The following GPC6 variants were observed in gnomAD, a reference collection of about 807,000 sequenced individuals.
GPC6 encodes the protein glypican-6.
A neutral mutation model predicts 55.2 loss-of-function variants in GPC6; 14 were observed. That is an observed-to-expected ratio of 0.25 (90% CI 0.17 to 0.40). The LOEUF is 0.40. GPC6 is among the 10% of genes least tolerant of loss of function. The probability of loss-of-function intolerance (pLI) is 1.00; values close to 1 mark genes in which losing one functional copy is unlikely to be tolerated. For synonymous variants in GPC6, 278 were observed against 259.6 expected (o/e 1.07, Z -0.68); for missense variants, 641 against 708.5 (o/e 0.90, Z 1.08).
At chr13:93,445,345 C>T (rs1419928777) in intron 1 of GPC6, among the ~76,000 whole-genome samples, 1 of 152,188 alleles carries the variant, frequency 6.6e-6, no homozygotes, top group East Asian at 1.9e-4. Flanking sequence ...GCATATCCTA[C>T]TTCCTAATAC....
intron 5 of GPC6, among the ~76,000 whole-genome samples, chr13:94,303,104 G>A (rs917457341): frequency 1.4e-4 from 22 of 152,308 alleles, no homozygotes; most frequent in African/African-American, 4.8e-4. Flanking sequence ...GATGGTGAGC[G>A]AAAGCTCAGC....
chr13:93,397,397 T>C (rs530094805), intron 1 of GPC6, among the ~76,000 whole-genome samples: 1 of 152,222 alleles, frequency 6.6e-6, no homozygotes, highest in Non-Finnish European at 1.5e-5. Flanking sequence ...ATTTCCCTAA[T>C]GATTAATACT....
chr13:93,474,323 C>T (rs541024726), intron 1 of GPC6, among the ~76,000 whole-genome samples: 28 of 152,220 alleles, frequency 1.8e-4, no homozygotes, highest in Admixed American at 1.6e-3. Context: ...TTTTAGTGTG[C>T]TGAATAGGAT....
At chr13:94,019,913 A>G (rs1237029587) in intron 3 of GPC6, among the ~76,000 whole-genome samples, 2 of 151,946 alleles carry the variant, frequency 1.3e-5, no homozygotes, top group Non-Finnish European at 2.9e-5. Flanking sequence ...TCTCTCTTTG[A>G]TAGTCAGCCT....
intron 1 of GPC6, among the ~76,000 whole-genome samples, chr13:93,382,099 A>G (rs1875200412): frequency 6.6e-6 from 1 of 152,132 alleles, no homozygotes; most frequent in African/African-American, 2.4e-5. Context: ...AACTTGTCCA[A>G]AGTTTGTACG....
intron 1 of GPC6, among the ~76,000 whole-genome samples, chr13:93,489,356 C>T (rs1282701025): frequency 1.3e-5 from 2 of 151,446 alleles, no homozygotes; most frequent in Non-Finnish European, 2.9e-5. Flanking sequence ...CAGTACCATG[C>T]TGTTTTGGTT....
intron 4 of GPC6, among the ~76,000 whole-genome samples, chr13:94,119,546 G>A (rs1341279972): frequency 6.6e-6 from 1 of 152,136 alleles, no homozygotes; most frequent in African/African-American, 2.4e-5. Flanking sequence ...GCTTTGTCCA[G>A]ACCCAGGTAA....
At chr13:93,514,302 A>G (rs1881101751) in intron 1 of GPC6, among the ~76,000 whole-genome samples, 1 of 152,172 alleles carries the variant, frequency 6.6e-6, no homozygotes, top group Non-Finnish European at 1.5e-5. Flanking sequence ...ACTGCACTCA[A>G]TCCCAGAATA....
intron 4 of GPC6, among the ~76,000 whole-genome samples, chr13:94,140,868 G>A (rs1179529729): frequency 1.3e-5 from 2 of 151,858 alleles, no homozygotes; most frequent in African/African-American, 4.8e-5. Flanking sequence ...ATTGTCAAGG[G>A]AAAGGACAAA....
intron 1 of GPC6, among the ~76,000 whole-genome samples, chr13:93,393,125 T>TAGAGAG (rs1394640725): frequency 1.3e-3 from 129 of 96,734 alleles, no homozygotes; most frequent in African/African-American, 3.6e-3. Flanking sequence ...TATATATATA[T>TAGAGAG]ATAGAGAGAG....
intron 4 of GPC6, among the ~76,000 whole-genome samples, chr13:94,088,906 T>G (rs538809120): frequency 6.6e-6 from 1 of 152,288 alleles, no homozygotes; most frequent in South Asian, 2.1e-4. Context: ...TGGGGGTCAC[T>G]GATATAAAAT....
At chr13:93,939,158 A>T (rs1878594631) in intron 3 of GPC6, among the ~76,000 whole-genome samples, 1 of 151,340 alleles carries the variant, frequency 6.6e-6, no homozygotes, top group Non-Finnish European at 1.5e-5. Context: ...AAAATGAAGG[A>T]GCAATTGAGC....
At chr13:93,600,583 C>G (rs931346085) in intron 2 of GPC6, among the ~76,000 whole-genome samples, 11 of 152,168 alleles carry the variant, frequency 7.2e-5, no homozygotes, top group African/African-American at 2.7e-4. Flanking sequence ...AGAAAGGTCT[C>G]TGAGTGAGTG....
At chr13:93,380,801 T>C (rs1202630050) in intron 1 of GPC6, among the ~76,000 whole-genome samples, 2 of 152,178 alleles carry the variant, frequency 1.3e-5, no homozygotes, top group East Asian at 3.8e-4. Flanking sequence ...TTCTTACTCA[T>C]TGTCTTAGAT....
chr13:93,270,594 G>A lies in GPC6; in HGVS notation c.160+42978G>A, dbSNP rs553679300. ...TTGAATTCTACTTATAGTTCTCACTGAAGCATTTCCAGAATCCCTTATTTA... is the reference window on the plus strand; with the variant it reads ...TTGAATTCTACTTATAGTTCTCACTAAAGCATTTCCAGAATCCCTTATTTA... On this transcript the variant is annotated intron_variant, in intron 1 of 8. Coordinates refer to ENST00000377047, the MANE Select transcript of GPC6 (RefSeq NM_005708.5). 2.0e-5 allele frequency among the ~76,000 whole-genome samples: 3 copies of A among 151,992 alleles called. No individual in the cohort carries two copies. In the South Asian group the frequency reaches 6.2e-4, roughly 32 times the overall value.
At chr13:93,370,835 C>T (rs563434177) in intron 1 of GPC6, among the ~76,000 whole-genome samples, 5 of 152,076 alleles carry the variant, frequency 3.3e-5, no homozygotes, top group Admixed American at 6.6e-5. Flanking sequence ...GGTATCATTG[C>T]GTTGTAATTC....
chr13:93,783,799 G>C (rs989597485), intron 2 of GPC6, among the ~76,000 whole-genome samples: 2 of 152,106 alleles, frequency 1.3e-5, no homozygotes, highest in African/African-American at 4.8e-5. Flanking sequence ...ACATATTTAT[G>C]CTTCTGTGCT....
At chr13:93,706,199 CA>C (rs1882843753) in intron 2 of GPC6, among the ~76,000 whole-genome samples, 1 of 151,746 alleles carries the variant, frequency 6.6e-6, no homozygotes, top group South Asian at 2.1e-4. Context: ...GTGTGTCATA[CA>C]AGAAATACTA....
At chr13:93,783,903 C>T (rs7326679) in intron 2 of GPC6, among the ~76,000 whole-genome samples, 3,779 of 152,192 alleles carry the variant, frequency 0.025, 154 homozygotes, top group African/African-American at 0.084. Flanking sequence ...TGTAGAATTG[C>T]CTTCACCTCT....
Sources: allele counts gnomAD v4.1 joint callset (sites outside exome capture counted in the v4.1 genomes callset), GRCh38; gene constraint gnomAD v4.1.1; transcripts MANE v1.5; gene names NCBI Gene and HGNC (gene_info 2026-07-23, HGNC 2026-07-21).